Variants in CARMIL2 observed in about 807,000 individuals in gnomAD.
The protein encoded by CARMIL2 is capping protein, Arp2/3 and myosin-I linker protein 2.
Under a neutral mutation model 173.3 loss-of-function variants are expected in CARMIL2, and 96 were observed. The ratio of observed to expected loss-of-function variants is 0.55; its 90% CI spans 0.47 to 0.66. The LOEUF (loss-of-function observed/expected upper bound fraction) is 0.66, where lower values mean the gene tolerates loss of function less well. CARMIL2 is among the 30% of genes least tolerant of loss of function. The pLI, the probability that CARMIL2 is intolerant of heterozygous loss-of-function variation, is 0.00. For missense variants in CARMIL2, 1,771 were observed against 1,906.7 expected (o/e 0.93, Z 1.33); for synonymous variants, 830 against 817.1 (o/e 1.02, Z -0.27).
chr16:67,655,515 C>G (rs1328834673), intron 32 of CARMIL2, among the ~76,000 whole-genome samples: 1 of 152,240 alleles, frequency 6.6e-6, no homozygotes, highest in East Asian at 1.9e-4. Flanking sequence ...AGACACTGTT[C>G]AGACTCCACA....
chr16:67,652,576 G>A lies in CARMIL2; in HGVS notation c.2884+38G>A. 1 of 1,591,044 alleles carries A rather than the reference G, an allele frequency of 6.3e-7. No individual in the cohort carries two copies. The highest frequency in any genetic ancestry group is 8.6e-7 in the Non-Finnish European group (1 of 1,161,166). On this transcript the variant is annotated intron_variant, in intron 28 of 37. Transcript: ENST00000334583. This position sits in a 1 kb window ranked among gnomAD's most constrained non-coding sequence, Gnocchi z 4.7. Reference sequence around the variant, plus strand: ...CTTGGGGGAGGGAGTTTACGTGGGTGGGCTGAAGCTCCATTAGACTTGGGG... The same window carrying A: ...CTTGGGGGAGGGAGTTTACGTGGGTAGGCTGAAGCTCCATTAGACTTGGGG...
At position 67,657,317 on chromosome 16, in the gene CARMIL2, G is replaced by A; in HGVS notation, c.4195+1G>A. 1.2e-6 allele frequency: 2 copies of A among 1,613,646 alleles called. No homozygotes were observed. Among genetic ancestry groups the A allele is most frequent in the Non-Finnish European group, 1.7e-6 (2 of 1,179,768 alleles). On this transcript the variant is annotated splice_donor_variant, in intron 37 of 37. Transcript: ENST00000334583. LOFTEE classifies it high-confidence loss of function. This position sits in a 1 kb window ranked among gnomAD's most constrained non-coding sequence, Gnocchi z 4.5. ...GAGGCACCTCCATCCCCAAGCCTAG[G>A]TAAGAGGGGGTCCAGGCCAGCTGGG...
chr16:67,647,713 G>A lies in CARMIL2; in HGVS notation c.905G>A (p.Cys302Tyr). Reference sequence around the variant, plus strand: ...GCACTCAGCAGACACCTCGAGCGTTGTCCAGGAGCCCTGAGGAGACTCAGC... The same window carrying A: ...GCACTCAGCAGACACCTCGAGCGTTATCCAGGAGCCCTGAGGAGACTCAGC... Reference protein sequence around the residue: ...MTALSRHLERCPGALRRLSLA... With the variant: ...MTALSRHLERYPGALRRLSLA... The change falls in exon 12 of 38, where the codon TGT becomes TAT. Residue 302 changes from cysteine (C) to tyrosine (Y), a missense_variant. Physicochemically the swap from Cys to Tyr is radical, Grantham distance 194. This residue lies in a region of CARMIL2 where 944 missense variants were observed against 975.6 expected (regional missense o/e 0.97). Transcript: ENST00000334583. 1 of 1,582,650 alleles carries A rather than the reference G, an allele frequency of 6.3e-7. No homozygotes were observed. The highest frequency in any genetic ancestry group is 8.6e-7 in the Non-Finnish European group (1 of 1,164,540).
chr16:67,647,807 G>GGGGGGGGGGGGGGGGGGGGGGGGGGGC, intron 12 of CARMIL2, 39 bp from the exon 13 acceptor site: 1 of 1,092,400 alleles, frequency 9.2e-7, no homozygotes, highest in Non-Finnish European at 1.4e-6. Context: ...GGGGGGTGGG[G>GGGGGGGGGGGGGGGGGGGGGGGGGGGC]GTCTGTCCAA....
At position 67,656,464 on chromosome 16, in the gene CARMIL2, G is replaced by A; in HGVS notation, c.3855G>A (p.Glu1285=). The part of the protein sequence containing the change: ...CRPGPGSQGP[E]SATWKTLGQQ... ...CTGGCCCAGGGAGCCAGGGGCCTGA[G>A]TCTGCCACCTGGAAGACACTGGGGC... The change falls in exon 35 of 38, where the codon GAG becomes GAA. Residue 1285 remains glutamate (E), a synonymous_variant. Coordinates refer to ENST00000334583, the MANE Select transcript of CARMIL2 (RefSeq NM_001013838.3). The A allele has an allele frequency of 6.2e-7, 1 of 1,611,782 alleles. No individual in the cohort carries two copies. Among genetic ancestry groups the A allele is most frequent in the Non-Finnish European group, 8.5e-7 (1 of 1,178,748 alleles).
chr16:67,652,273 C>T lies in CARMIL2; in HGVS notation c.2751C>T (p.Ser917=). 6.2e-7 allele frequency: 1 copy of T among 1,613,178 alleles called. No individual in the cohort carries two copies. Among genetic ancestry groups the T allele is most frequent in the Non-Finnish European group, 8.5e-7 (1 of 1,179,682 alleles). ...ALPAPDGGEP[S]LLEPGELEGL... The stretch of plus-strand genomic sequence containing the variant: ...CAGCACCGGATGGAGGTGAGCCCAG[C>T]CTCCTTGAGCCTGGGGAATTGGAAG... Residue 917 remains serine, a synonymous_variant, in exon 27 of 38, where the codon AGC becomes AGT. Coordinates refer to ENST00000334583, the MANE Select transcript of CARMIL2 (RefSeq NM_001013838.3). This position sits in a 1 kb window ranked among gnomAD's most constrained non-coding sequence, Gnocchi z 4.7.
intron 29 of CARMIL2, 56 bp from the exon 30 acceptor site, chr16:67,654,093 G>GC (rs1296932754): frequency 1.6e-5 from 17 of 1,068,998 alleles, no homozygotes; most frequent in East Asian, 2.9e-5. Context: ...GGGGGGGGGG[G>GC]GGTAGAAGCC....
At position 67,652,447 on chromosome 16, in the gene CARMIL2, G is replaced by C. The variant is rs1597754776; in HGVS notation, c.2818-25G>C. On this transcript the variant is annotated intron_variant, in intron 27 of 37. Coordinates refer to ENST00000334583, the MANE Select transcript of CARMIL2 (RefSeq NM_001013838.3). This position sits in a 1 kb window ranked among gnomAD's most constrained non-coding sequence, Gnocchi z 4.7. ...TTGGGTTGGTGCTCTCCTACCCCAGGCTGAGTTTGTGCCCTCCCCACCAGG... is the reference window on the plus strand; with the variant it reads ...TTGGGTTGGTGCTCTCCTACCCCAGCCTGAGTTTGTGCCCTCCCCACCAGG... The C allele has an allele frequency of 6.2e-7, 1 of 1,612,930 alleles. No individual in the cohort carries two copies. Among genetic ancestry groups the C allele is most frequent in the Admixed American group, 1.7e-5 (1 of 59,924 alleles).
chr16:67,654,924 G>A (rs1446073329), intron 32 of CARMIL2, 24 bp downstream of exon 32: 1 of 1,612,492 alleles, frequency 6.2e-7, no homozygotes, highest in East Asian at 2.2e-5. Flanking sequence ...ACCTGAGCAT[G>A]AAGTGAGAGG....
chr16:67,646,410 C>T lies in CARMIL2; in HGVS notation c.375-16C>T. 1.2e-6 allele frequency: 2 copies of T among 1,612,432 alleles called. No individual in the cohort carries two copies. Among genetic ancestry groups the T allele is most frequent in the South Asian group, 2.2e-5 (2 of 90,892 alleles). On this transcript the variant is annotated splice_polypyrimidine_tract_variant and intron_variant, in intron 5 of 37. Transcript: ENST00000334583. This position sits in a 1 kb window ranked among gnomAD's most constrained non-coding sequence, Gnocchi z 4.6. ...GCTGGAAGTCCTTTGCCCCCTTCTC[C>T]TTAACCCCCTACCAGGAAGCTATTC...
In CARMIL2 at chr16:67,652,367, G is replaced by A. The variant is rs762710568; in HGVS notation, c.2817+28G>A. 1.2e-5 allele frequency: 19 copies of A among 1,612,416 alleles called. No homozygotes were observed. The highest frequency in any genetic ancestry group is 2.7e-5 in the African/African-American group (2 of 74,912). ...AAGTGGTTTTAGAACACGGGGCATG[G>A]CACTCCCAGTCTTCCCATCTTGCTG... On this transcript the variant is annotated intron_variant, in intron 27 of 37. Transcript: ENST00000334583. The surrounding 1 kb of genome is among the most constrained non-coding windows in gnomAD (Gnocchi z 4.7).
rs777381474 is a variant in CARMIL2, at chr16:67,646,561, C to G, written c.466+44C>G. ...CCACAGGCCTTCCAGCCTGCCCCAC[C>G]TCTGCCTCCCCAGACCCGCAAGCTG... On this transcript the variant is annotated intron_variant, in intron 6 of 37. Transcript: ENST00000334583. The surrounding 1 kb of genome is among the most constrained non-coding windows in gnomAD (Gnocchi z 4.6). 2.5e-6 allele frequency: 4 copies of G among 1,597,958 alleles called. No homozygotes were observed. The highest frequency in any genetic ancestry group is 1.7e-5 in the Admixed American group (1 of 59,108).
At position 67,648,200 on chromosome 16, in the gene CARMIL2, G is replaced by A. The variant is rs1189263952; in HGVS notation, c.1220G>A (p.Gly407Asp). 6.2e-7 allele frequency: 1 copy of A among 1,605,112 alleles called. No individual in the cohort carries two copies. The highest frequency in any genetic ancestry group is 8.5e-7 in the Non-Finnish European group (1 of 1,176,722). ...ADWRAGRGGL[G>D]PPAGVANSLP... ...TGGAGGGCGGGACGGGGAGGGCTCG[G>A]TCCCCCCGCGGGTGTAGCCAACAGC... The change falls in exon 14 of 38, where the codon GGT becomes GAT. Residue 407 changes from glycine to aspartate, a missense_variant. Physicochemically the swap from Gly to Asp is moderately conservative, Grantham distance 94. Transcript: ENST00000334583. This position sits in a 1 kb window ranked among gnomAD's most constrained non-coding sequence, Gnocchi z 6.1.
In CARMIL2 at chr16:67,651,989, G is replaced by C; in HGVS notation, c.2657G>C (p.Ser886Thr). ...GTGGCTCAGGCTTTGGCAGGCCTGAGTGCAGCCCGGGATCAGCTGGTGAGG... is the reference window on the plus strand; with the variant it reads ...GTGGCTCAGGCTTTGGCAGGCCTGACTGCAGCCCGGGATCAGCTGGTGAGG... ...SIVAQALAGL[S>T]AARDQLVESL... is the part of the protein sequence containing the mutation. The change falls in exon 26 of 38, where the codon AGT becomes ACT. Residue 886 changes from serine (S) to threonine (T), a missense_variant. Physicochemically the swap from Ser to Thr is moderately conservative, Grantham distance 58 (BLOSUM62 1). Transcript: ENST00000334583. This position sits in a 1 kb window ranked among gnomAD's most constrained non-coding sequence, Gnocchi z 4.2. The C allele has an allele frequency of 6.2e-7, 1 of 1,613,608 alleles. No homozygotes were observed. Among genetic ancestry groups the C allele is most frequent in the South Asian group, 1.1e-5 (1 of 91,088 alleles).
chr16:67,654,717 T>G (rs1597758560), intron 31 of CARMIL2, 25 bp downstream of exon 31: 13 of 1,602,214 alleles, frequency 8.1e-6, no homozygotes, highest in Non-Finnish European at 1.1e-5. Flanking sequence ...TGGGGGGTGG[T>G]GAAGGCGCTT....
rs1001672086 is a variant in CARMIL2 at position 67,654,451 on chromosome 16, G to A, written c.3341G>A (p.Arg1114Gln). ...AAGCCTCGTTCAACGCGGGGTCCACGGACTGATCTAGAGACCAGCCCTGGG... is the reference window on the plus strand; with the variant it reads ...AAGCCTCGTTCAACGCGGGGTCCACAGACTGATCTAGAGACCAGCCCTGGG... Reference protein sequence around the residue: ...FKKPRSTRGPRTDLETSPGAA... With the variant: ...FKKPRSTRGPQTDLETSPGAA... The change falls in exon 31 of 38, where the codon CGG (arginine) becomes CAG (glutamine). Residue 1114 changes from arginine (R) to glutamine (Q), a missense_variant. Physicochemically the swap from Arg to Gln is conservative, Grantham distance 43. Transcript: ENST00000334583. The A allele has an allele frequency of 1.2e-6, 2 of 1,613,018 alleles. No homozygotes were observed. The highest frequency in any genetic ancestry group is 1.7e-6 in the Non-Finnish European group (2 of 1,179,674).
In CARMIL2 at chr16:67,648,950, A is replaced by T; in HGVS notation, c.1567A>T (p.Ser523Cys). 1 of 1,609,820 alleles carries T rather than the reference A, an allele frequency of 6.2e-7. No individual in the cohort carries two copies. Among genetic ancestry groups the T allele is most frequent in the Non-Finnish European group, 8.5e-7 (1 of 1,178,320 alleles). Residue 523 changes from serine to cysteine, a missense_variant, in exon 17 of 38, where the codon AGC becomes TGC. Ser to Cys is a moderately radical substitution (Grantham distance 112). Around this residue, in one of 3 missense-constraint regions of CARMIL2, gnomAD observed 944 missense variants for 975.6 expected, o/e 0.97. Transcript: ENST00000334583. This position sits in a 1 kb window ranked among gnomAD's most constrained non-coding sequence, Gnocchi z 6.1. ...QDLVCDAGAV[S>C]SLDLADNGFG... ...CTTAGTGTGCGACGCAGGCGCTGTG[A>T]GCTCCCTGGATCTGGCGGATAACGG... is the stretch of plus-strand genomic sequence containing the variant.
chr16:67,650,931 G>A, intron 22 of CARMIL2: 1 of 461,458 alleles, frequency 2.2e-6, no homozygotes, highest in Non-Finnish European at 3.9e-6. Context: ...GACAGACTGA[G>A]CTTCTAAAAC....
Position 67,651,486 on chromosome 16 carries a change from T to A in CARMIL2, c.2399T>A (p.Val800Glu). ...GQKLEGLLRQ[V>E]GEVCRQDIQD... ...AAGCTGGAGGGCCTTCTGAGACAGG[T>A]GGGCGAGGTCTGCCGCCAGGACATC... Residue 800 changes from valine (V) to glutamate (E), a missense_variant, in exon 24 of 38, where the codon GTG becomes GAG. Transcript: ENST00000334583. The surrounding 1 kb of genome is among the most constrained non-coding windows in gnomAD (Gnocchi z 4.2). 1 of 1,596,726 alleles carries A rather than the reference T, an allele frequency of 6.3e-7. No homozygotes were observed. The highest frequency in any genetic ancestry group is 8.5e-7 in the Non-Finnish European group (1 of 1,170,768).
Sources: allele counts gnomAD v4.1 joint callset (sites outside exome capture counted in the v4.1 genomes callset), GRCh38; gene constraint gnomAD v4.1.1; regional missense constraint gnomAD v4.1.1; non-coding constraint Gnocchi (gnomAD v3.1); transcripts MANE v1.5; gene names NCBI Gene and HGNC (gene_info 2026-07-23, HGNC 2026-07-21).